TAF4: variants seen among roughly 807,000 people sequenced by gnomAD.
The protein encoded by TAF4 is TATA-box binding protein associated factor 4.
Under a neutral mutation model 90.3 loss-of-function variants are expected in TAF4, and 9 were observed. The observed-to-expected ratio is 0.10, with a 90% CI of 0.06 to 0.17. TAF4 has a LOEUF of 0.17. Ranked by LOEUF, TAF4 falls within the 10% of genes least tolerant of loss-of-function variation. The pLI, the probability that TAF4 is intolerant of heterozygous loss-of-function variation, is 1.00. For missense variants in TAF4, 1,351 were observed against 1,370.7 expected (o/e 0.99, Z 0.23); for synonymous variants, 818 against 638.9 (o/e 1.28, Z -4.23).
At position 62,006,605 on chromosome 20, in the gene TAF4, C is replaced by T; in HGVS notation, c.2128G>A (p.Ala710Thr). The change falls in exon 7 of 15, where the codon GCG becomes ACG. Residue 710 changes from alanine (A) to threonine (T), a missense_variant. Around this residue, in one of 9 missense-constraint regions of TAF4, gnomAD observed 202 missense variants for 229.7 expected, o/e 0.88. Transcript: ENST00000252996. The surrounding 1 kb of genome is among the most constrained non-coding windows in gnomAD (Gnocchi z 7.0). ...TGGAGGGCACTGGTCACGGTGGCCG[C>T]CGTCTTCCCGGCCGTGCGCTGGACC... ...SSVQRTAGKT[A>T]ATVTSALQPP... The T allele has an allele frequency of 6.2e-7, 1 of 1,601,588 alleles. No homozygotes were observed. Among genetic ancestry groups the T allele is most frequent in the Non-Finnish European group, 8.5e-7 (1 of 1,175,198 alleles).
intron 1 of TAF4, among the ~76,000 whole-genome samples, chr20:62,056,577 A>C (rs1959285221): frequency 6.6e-6 from 1 of 152,182 alleles, no homozygotes; most frequent in Non-Finnish European, 1.5e-5. Flanking sequence ...CAAATGCTGG[A>C]GCCTGAGACC....
intron 1 of TAF4, among the ~76,000 whole-genome samples, chr20:62,050,071 T>G (rs1034136610): frequency 1.3e-5 from 2 of 152,124 alleles, no homozygotes; most frequent in Non-Finnish European, 2.9e-5. Context: ...TTGTAAGTAC[T>G]CACGGAGGAC....
rs994298805 is a variant in TAF4 at position 61,975,536 on chromosome 20, C to G, written c.*632G>C. 6.6e-6 allele frequency: 1 copy of G among 152,158 alleles called. No homozygotes were observed. Among genetic ancestry groups the G allele is most frequent in the Non-Finnish European group, 1.5e-5 (1 of 68,220 alleles). 9.4% of individuals were successfully genotyped at this position (152,158 alleles called of 1,614,324 possible). A position where few individuals can be genotyped will look rare whatever the true frequency, so the allele number is the denominator to read the frequency against. ...ATGCTGACCACACATTCAGAAGGAGCCACCTTTGCTGGGCTCGGCCTCTAC... is the reference window on the plus strand; with the variant it reads ...ATGCTGACCACACATTCAGAAGGAGGCACCTTTGCTGGGCTCGGCCTCTAC... On this transcript the variant is annotated 3_prime_UTR_variant, in exon 15 of 15. Coordinates refer to ENST00000252996, the MANE Select transcript of TAF4 (RefSeq NM_003185.4).
Position 62,064,558 on chromosome 20 carries a change from G to A in TAF4, c.1253C>T (p.Ala418Val). The A allele has an allele frequency of 1.3e-6, 2 of 1,519,142 alleles. No homozygotes were observed. Among genetic ancestry groups the A allele is most frequent in the East Asian group, 2.6e-5 (1 of 38,138 alleles). The allele number at this position is 1,519,142 out of a possible 1,614,324, so 94.1% of individuals were successfully genotyped here. The change falls in exon 1 of 15, where the codon GCC (alanine) becomes GTC (valine). Residue 418 changes from alanine to valine, a missense_variant. Physicochemically the swap from Ala to Val is moderately conservative, Grantham distance 64. Around this residue, in one of 9 missense-constraint regions of TAF4, gnomAD observed 782 missense variants for 536.6 expected, o/e 1.46. Coordinates refer to ENST00000252996, the MANE Select transcript of TAF4 (RefSeq NM_003185.4). Reference sequence around the variant, plus strand: ...GGTGGCCCGAATCCCGCTGGTGGTGGCCGTGGGCGTCCGGGACAGGCTCTG... The same window carrying A: ...GGTGGCCCGAATCCCGCTGGTGGTGACCGTGGGCGTCCGGGACAGGCTCTG... ...VTQSLSRTPT[A>V]TTSGIRATLT...
chr20:62,024,665 T>A (rs1381433127), intron 1 of TAF4, among the ~76,000 whole-genome samples: 1 of 152,146 alleles, frequency 6.6e-6, no homozygotes, highest in Admixed American at 6.5e-5. Flanking sequence ...GGTCAGGAGT[T>A]CGAGACCAGC....
At chr20:62,040,130 A>G (rs1319192394) in intron 1 of TAF4, among the ~76,000 whole-genome samples, 1 of 152,270 alleles carries the variant, frequency 6.6e-6, no homozygotes, top group Non-Finnish European at 1.5e-5. Context: ...TTATCTACCC[A>G]AGACAAAGAA....
chr20:62,021,762 A>G (rs956567231), intron 1 of TAF4, among the ~76,000 whole-genome samples: 6 of 152,096 alleles, frequency 3.9e-5, no homozygotes, highest in Admixed American at 3.9e-4. Flanking sequence ...CTGCTCTTCA[A>G]AACAGGCATA....
At chr20:62,023,458 G>A (rs1346300133) in intron 1 of TAF4, among the ~76,000 whole-genome samples, 1 of 151,486 alleles carries the variant, frequency 6.6e-6, no homozygotes, top group Non-Finnish European at 1.5e-5. Context: ...AAAAGTCAGA[G>A]AGCTGACACG....
At chr20:61,997,930 T>C (rs986923667) in intron 13 of TAF4, among the ~76,000 whole-genome samples, 1 of 152,208 alleles carries the variant, frequency 6.6e-6, no homozygotes, top group African/African-American at 2.4e-5. Flanking sequence ...CAAAGGGAAG[T>C]CACCGTTGAA....
At chr20:62,024,202 G>A (rs532085862) in intron 1 of TAF4, among the ~76,000 whole-genome samples, 15 of 152,274 alleles carry the variant, frequency 9.9e-5, no homozygotes, top group African/African-American at 2.4e-4. Context: ...TGGTGAGGAC[G>A]GGCTTCTCAC....
chr20:61,983,402 T>C (rs1444101441), intron 14 of TAF4, among the ~76,000 whole-genome samples: 1 of 151,974 alleles, frequency 6.6e-6, no homozygotes, highest in African/African-American at 2.4e-5. Flanking sequence ...ACACCTGTAA[T>C]CTCAATGCTT....
chr20:62,042,253 G>A (rs2055967899), intron 1 of TAF4, among the ~76,000 whole-genome samples: 1 of 152,202 alleles, frequency 6.6e-6, no homozygotes, highest in African/African-American at 2.4e-5. Flanking sequence ...CACCGTCCAG[G>A]AGGAGATCGG....
In TAF4 at chr20:62,000,658, T is replaced by C. The variant is rs1243127846; in HGVS notation, c.2550A>G (p.Ala850=). The part of the protein sequence containing the change: ...MAGVNLSEES[A]RILATNSELV... ...ATTCAGAGTTCGTGGCTAATATTCT[T>C]GCACTTTCTTCTGACAAGTTTACTC... The change falls in exon 10 of 15, where the codon GCA becomes GCG. Residue 850 remains alanine, a synonymous_variant. Transcript: ENST00000252996. 1.9e-6 allele frequency: 3 copies of C among 1,614,166 alleles called. No homozygotes were observed. The highest frequency in any genetic ancestry group is 2.5e-6 in the Non-Finnish European group (3 of 1,180,058).
intron 5 of TAF4, 63 bp from the exon 6 acceptor site, chr20:62,007,699 C>T (rs992995067): frequency 1.4e-5 from 21 of 1,458,424 alleles, no homozygotes; most frequent in Admixed American, 3.7e-5. Context: ...TTCTGAATCC[C>T]GCATCACTCT....
intron 1 of TAF4, among the ~76,000 whole-genome samples, chr20:62,034,977 T>A (rs1454195324): frequency 6.6e-6 from 1 of 152,008 alleles, no homozygotes; most frequent in African/African-American, 2.4e-5. Flanking sequence ...CCCACCACCA[T>A]GCCCAGCTAA....
At chr20:61,993,682 T>A (rs2055645759) in intron 14 of TAF4, among the ~76,000 whole-genome samples, 1 of 152,162 alleles carries the variant, frequency 6.6e-6, no homozygotes, top group South Asian at 2.1e-4. Flanking sequence ...TAAAAGCAGC[T>A]GTGATGTGGT....
At chr20:62,036,856 G>A (rs2055935292) in intron 1 of TAF4, among the ~76,000 whole-genome samples, 1 of 152,206 alleles carries the variant, frequency 6.6e-6, no homozygotes, top group Admixed American at 6.5e-5. Flanking sequence ...GCAGAAGCGG[G>A]GGGACTTTGG....
At chr20:62,034,932 T>G (rs1018392306) in intron 1 of TAF4, among the ~76,000 whole-genome samples, 1 of 151,584 alleles carries the variant, frequency 6.6e-6, no homozygotes, top group African/African-American at 2.4e-5. Context: ...GCCATTCTCC[T>G]GCCTCAGCCT....
rs776513222 is a variant in TAF4, at chr20:62,009,031, T to C, written c.1884+21A>G. 9.3e-6 allele frequency: 15 copies of C among 1,607,580 alleles called. No individual in the cohort carries two copies. The East Asian group carries it at 2.0e-4, about 22-fold the overall frequency. ...GCAACAGGCTTTAGGGGAAAGGGAATGTAAAGTCAAGGTTTCTCACCAGTA... is the reference window on the plus strand; with the variant it reads ...GCAACAGGCTTTAGGGGAAAGGGAACGTAAAGTCAAGGTTTCTCACCAGTA... On this transcript the variant is annotated intron_variant, in intron 5 of 14. Transcript: ENST00000252996.
Sources: allele counts gnomAD v4.1 joint callset (sites outside exome capture counted in the v4.1 genomes callset), GRCh38; gene constraint gnomAD v4.1.1; regional missense constraint gnomAD v4.1.1; non-coding constraint Gnocchi (gnomAD v3.1); transcripts MANE v1.5; gene names NCBI Gene and HGNC (gene_info 2026-07-23, HGNC 2026-07-21).